CCDC6: variants seen among roughly 807,000 people sequenced by gnomAD.
CCDC6 encodes the protein coiled-coil domain-containing protein 6.
CCDC6 carries 20 observed loss-of-function variants against 56.6 expected under a neutral mutation model. That is an observed-to-expected ratio of 0.35 (90% CI 0.25 to 0.51). The LOEUF is 0.51. Among genes scored for constraint, CCDC6 ranks in the 20% least tolerant of loss-of-function variants. The probability of loss-of-function intolerance (pLI) is 0.95; values close to 1 mark genes in which losing one functional copy is unlikely to be tolerated. For synonymous variants in CCDC6, 241 were observed against 234.4 expected, an observed-to-expected ratio of 1.03 and a Z score of -0.26; for missense variants, 367 against 601.1, an observed-to-expected ratio of 0.61 and a Z score of 4.07.
intron 7 of CCDC6, among the ~76,000 whole-genome samples, chr10:59,800,536 T>C (rs1219618870): frequency 6.6e-6 from 1 of 152,230 alleles, no homozygotes; most frequent in Non-Finnish European, 1.5e-5. Flanking sequence ...CTGCCATTTG[T>C]TTAACTACAT....
At chr10:59,872,579 G>A (rs1279479748) in intron 1 of CCDC6, among the ~76,000 whole-genome samples, 1 of 152,178 alleles carries the variant, frequency 6.6e-6, no homozygotes, top group Non-Finnish European at 1.5e-5. Flanking sequence ...GGCTGGCTTT[G>A]TGAGTTGGAG....
intron 1 of CCDC6, among the ~76,000 whole-genome samples, chr10:59,866,771 C>T (rs549244021): frequency 6.6e-6 from 1 of 152,324 alleles, no homozygotes; most frequent in African/African-American, 2.4e-5. Flanking sequence ...AATCCAGTAA[C>T]AATACCTTCC....
chr10:59,797,663 A>T (rs2070534443), intron 7 of CCDC6, among the ~76,000 whole-genome samples: 1 of 121,470 alleles, frequency 8.2e-6, no homozygotes, highest in African/African-American at 4.0e-5. Context: ...AGTGAGTGAG[A>T]GAGAGAGAGA....
intron 3 of CCDC6, among the ~76,000 whole-genome samples, chr10:59,821,670 A>G (rs2070750677): frequency 6.6e-6 from 1 of 152,184 alleles, no homozygotes; most frequent in African/African-American, 2.4e-5. Flanking sequence ...GAAGTCTGCC[A>G]GTGAGGAGCA....
chr10:59,885,026 C>A (rs1019979671), intron 1 of CCDC6, among the ~76,000 whole-genome samples: 1 of 150,802 alleles, frequency 6.6e-6, no homozygotes, highest in Admixed American at 6.6e-5. Flanking sequence ...ATCGTGCCAC[C>A]GCACTCCAGC....
chr10:59,812,540 C>A, intron 5 of CCDC6, 95 bp downstream of exon 5: 1 of 780,414 alleles, frequency 1.3e-6, no homozygotes, highest in Non-Finnish European at 1.9e-6. Context: ...TTAATTACTG[C>A]AAATTCAACA....
At chr10:59,841,730 TG>T (rs1318339076) in intron 2 of CCDC6, among the ~76,000 whole-genome samples, 4 of 151,468 alleles carry the variant, frequency 2.6e-5, no homozygotes, top group African/African-American at 4.9e-5. Context: ...TGCGTTGGCG[TG>T]ATCTCGGCTC....
In CCDC6 at chr10:59,794,492, C is replaced by T. The variant is rs1244536686; in HGVS notation, c.1211G>A (p.Gly404Glu). Residue 404 changes from glycine (G) to glutamate (E), a missense_variant, in exon 8 of 9, where the codon GGA becomes GAA. Physicochemically the swap from Gly to Glu is moderately conservative, Grantham distance 98. This residue lies in a region of CCDC6 where 79 missense variants were observed against 83.9 expected (regional missense o/e 0.94). Coordinates refer to ENST00000263102, the MANE Select transcript of CCDC6 (RefSeq NM_005436.5). ...ACTTACTGTGATACCATGGGATGTT[C>T]CCATGTGCTGCACGTGAAGACCCGG... ...NSPGLHVQHM[G>E]TSHGITRPSP... 6.2e-7 allele frequency: 1 copy of T among 1,614,116 alleles called. No individual in the cohort carries two copies. Among genetic ancestry groups the T allele is most frequent in the Non-Finnish European group, 8.5e-7 (1 of 1,180,000 alleles).
intron 1 of CCDC6, among the ~76,000 whole-genome samples, chr10:59,892,623 G>A (rs1368639230): frequency 6.6e-6 from 1 of 152,140 alleles, no homozygotes; most frequent in Non-Finnish European, 1.5e-5. Flanking sequence ...ATAGAAGGGG[G>A]TGGGGAAGTA....
chr10:59,883,760 G>C (rs1480267490), intron 1 of CCDC6, among the ~76,000 whole-genome samples: 1 of 152,152 alleles, frequency 6.6e-6, no homozygotes, highest in Non-Finnish European at 1.5e-5. Flanking sequence ...AACTATATTT[G>C]AGAACAGAGG....
In CCDC6 at chr10:59,791,708, AAATT is replaced by A; in HGVS notation, c.*1205_*1208del. The A allele has an allele frequency of 4.7e-6, 1 of 212,302 alleles. No individual in the cohort carries two copies. The highest frequency in any genetic ancestry group is 7.1e-5 in the East Asian group (1 of 14,066). 13.2% of individuals were successfully genotyped at this position (212,302 alleles called of 1,614,324 possible). ...CAAAACAGCAACTGCTGAAAAACAA[AAATT>A]AAGATGTTGCACGTGTTAAGAAAAG... On this transcript the variant is annotated 3_prime_UTR_variant, in exon 9 of 9. Coordinates refer to ENST00000263102, the MANE Select transcript of CCDC6 (RefSeq NM_005436.5).
intron 3 of CCDC6, among the ~76,000 whole-genome samples, chr10:59,818,496 G>C (rs921696949): frequency 1.6e-5 from 1 of 63,120 alleles, no homozygotes. Context: ...TAATGTTGAC[G>C]GGGGGGGGGG....
chr10:59,842,283 A>T (rs1359561814), intron 2 of CCDC6, among the ~76,000 whole-genome samples: 5 of 151,778 alleles, frequency 3.3e-5, no homozygotes, highest in African/African-American at 1.2e-4. Flanking sequence ...CTGACCTCAA[A>T]TGATCTGCCC....
chr10:59,901,685 A>G (rs2132689574), intron 1 of CCDC6, among the ~76,000 whole-genome samples: 1 of 152,338 alleles, frequency 6.6e-6, no homozygotes, highest in Admixed American at 6.5e-5. Flanking sequence ...GAAGAGGTAC[A>G]CACCCTAGAG....
intron 7 of CCDC6, among the ~76,000 whole-genome samples, chr10:59,803,411 T>G (rs1239748503): frequency 6.6e-6 from 1 of 152,160 alleles, no homozygotes; most frequent in Non-Finnish European, 1.5e-5. Flanking sequence ...TATGCTGCCT[T>G]CCTTCAAAGC....
intron 1 of CCDC6, among the ~76,000 whole-genome samples, chr10:59,869,013 A>C (rs1353785361): frequency 6.6e-6 from 1 of 152,056 alleles, no homozygotes; most frequent in Non-Finnish European, 1.5e-5. Flanking sequence ...GAGTCTTTCT[A>C]GCAAATCACC....
In CCDC6 at chr10:59,901,967, G is replaced by C. The variant is rs560812657; in HGVS notation, c.303+4155C>G. Among the ~76,000 whole-genome samples, 12 of 152,222 alleles carry C rather than the reference G, an allele frequency of 7.9e-5. No homozygotes were observed. The South Asian group carries it at 2.5e-3, about 32-fold the overall frequency. On this transcript the variant is annotated intron_variant, in intron 1 of 8. Transcript: ENST00000263102. ...CTCCAAAAAAAAGAAATTATGATCT[G>C]TAATCAGTAGCCTGATTCCCCTGCT...
At chr10:59,904,446 C>CTATTTT (rs1304891129) in intron 1 of CCDC6, among the ~76,000 whole-genome samples, 1 of 152,220 alleles carries the variant, frequency 6.6e-6, no homozygotes, top group African/African-American at 2.4e-5. Flanking sequence ...ATGCAAAAGG[C>CTATTTT]TATTTTGCTT....
At chr10:59,820,460 G>A (rs913382187) in intron 3 of CCDC6, among the ~76,000 whole-genome samples, 5 of 152,102 alleles carry the variant, frequency 3.3e-5, no homozygotes, top group African/African-American at 4.8e-5. Flanking sequence ...TTATAACTAC[G>A]ACATGTACTA....
Sources: allele counts gnomAD v4.1 joint callset (sites outside exome capture counted in the v4.1 genomes callset), GRCh38; gene constraint gnomAD v4.1.1; regional missense constraint gnomAD v4.1.1; transcripts MANE v1.5; gene names NCBI Gene and HGNC (gene_info 2026-07-23, HGNC 2026-07-21).